CNTNAP5: variants seen among roughly 807,000 people sequenced by gnomAD.
CNTNAP5 encodes the protein contactin-associated protein-like 5.
A neutral mutation model predicts 150.2 loss-of-function variants in CNTNAP5; 72 were observed. That is an observed-to-expected ratio of 0.48 (90% CI 0.40 to 0.58). CNTNAP5 has a LOEUF of 0.58. CNTNAP5 is among the 20% of genes least tolerant of loss of function. The pLI is 0.00. For missense variants in CNTNAP5, 1,636 were observed against 1,626.2 expected, an observed-to-expected ratio of 1.01 and a Z score of -0.10; for synonymous variants, 672 against 619.8, an observed-to-expected ratio of 1.08 and a Z score of -1.25.
At chr2:124,483,145 A>T (rs963496275) in intron 7 of CNTNAP5, among the ~76,000 whole-genome samples, 2 of 151,952 alleles carry the variant, frequency 1.3e-5, no homozygotes, top group Non-Finnish European at 1.5e-5. Flanking sequence ...CTTCAAACTC[A>T]CTGGTAGGGT....
At chr2:124,224,885 T>G (rs770047744) in intron 2 of CNTNAP5, among the ~76,000 whole-genome samples, 36 of 152,162 alleles carry the variant, frequency 2.4e-4, no homozygotes, top group Non-Finnish European at 3.1e-4. Flanking sequence ...AAGACCAAAC[T>G]TATGTCCTGT....
rs866860832 is a variant in CNTNAP5 at position 124,706,792 on chromosome 2, A to G, written c.2078-40437A>G. ...GAAGAAGAAGAAGAAGAAGAAGAAG[A>G]AGAAGGAGGAGGAGGAGGAGGAGGA... is the stretch of plus-strand genomic sequence containing the variant. On this transcript the variant is annotated intron_variant, in intron 13 of 23. Coordinates refer to ENST00000682447, the MANE Select transcript of CNTNAP5 (RefSeq NM_001367498.1). Among the ~76,000 whole-genome samples, 218 of 24,428 alleles carry G rather than the reference A, an allele frequency of 8.9e-3. 3 individuals are homozygous for G. Among genetic ancestry groups the G allele is most frequent in the Non-Finnish European group, 0.014 (166 of 11,812 alleles). The allele number at this position is 24,428 out of a possible 152,430, so 16.0% of individuals were successfully genotyped here.
chr2:124,123,562 T>C (rs531406783), intron 1 of CNTNAP5, among the ~76,000 whole-genome samples: 1 of 152,232 alleles, frequency 6.6e-6, no homozygotes, highest in East Asian at 1.9e-4. Context: ...GTAGTGGTTC[T>C]CCCAACATGG....
intron 3 of CNTNAP5, among the ~76,000 whole-genome samples, chr2:124,370,120 C>G (rs1690486207): frequency 1.3e-5 from 2 of 152,090 alleles, no homozygotes; most frequent in South Asian, 4.1e-4. Context: ...GATGAGAAAA[C>G]AGCATCTCAA....
intron 12 of CNTNAP5, among the ~76,000 whole-genome samples, chr2:124,637,156 G>A (rs187724379): frequency 6.6e-6 from 1 of 152,276 alleles, no homozygotes; most frequent in East Asian, 1.9e-4. Context: ...TTATAGCAGT[G>A]TCTATTTTCA....
At chr2:124,101,037 C>T (rs1006249415) in intron 1 of CNTNAP5, among the ~76,000 whole-genome samples, 1 of 151,976 alleles carries the variant, frequency 6.6e-6, no homozygotes, top group Non-Finnish European at 1.5e-5. Flanking sequence ...TTCTGAACAC[C>T]CATGGTTTAT....
chr2:124,199,282 A>G (rs1336401394), intron 1 of CNTNAP5, among the ~76,000 whole-genome samples: 1 of 152,152 alleles, frequency 6.6e-6, no homozygotes, highest in Non-Finnish European at 1.5e-5. Flanking sequence ...AGGGAACATC[A>G]CAATTGCAAA....
At chr2:124,619,175 C>T (rs2104994398) in intron 12 of CNTNAP5, among the ~76,000 whole-genome samples, 1 of 152,252 alleles carries the variant, frequency 6.6e-6, no homozygotes, top group East Asian at 1.9e-4. Flanking sequence ...TTGTGATCAT[C>T]CTTTGCTGCA....
At chr2:124,653,133 T>C (rs1422009177) in intron 13 of CNTNAP5, among the ~76,000 whole-genome samples, 3 of 152,212 alleles carry the variant, frequency 2.0e-5, no homozygotes, top group Non-Finnish European at 2.9e-5. Flanking sequence ...ACCAGTAACA[T>C]GCTGGTTAAA....
chr2:124,527,253 A>G (rs1558940515), intron 9 of CNTNAP5, 32 bp from the exon 10 acceptor site: 5 of 1,588,360 alleles, frequency 3.1e-6, no homozygotes, highest in Non-Finnish European at 4.3e-6. Flanking sequence ...TCATTTCAGC[A>G]TTCTTCTTCA....
chr2:124,676,823 G>T (rs1215266144), intron 13 of CNTNAP5, among the ~76,000 whole-genome samples: 4 of 152,162 alleles, frequency 2.6e-5, no homozygotes, highest in African/African-American at 9.7e-5. Context: ...TCCTTGGATG[G>T]TTAAAAGCCT....
intron 3 of CNTNAP5, among the ~76,000 whole-genome samples, chr2:124,372,201 T>C (rs192343248): frequency 3.9e-5 from 6 of 152,192 alleles, no homozygotes; most frequent in Non-Finnish European, 8.8e-5. Context: ...CCAGGTTCTT[T>C]GATCTTTGGA....
chr2:124,852,864 A>C (rs1683185479), intron 19 of CNTNAP5, among the ~76,000 whole-genome samples: 1 of 152,192 alleles, frequency 6.6e-6, no homozygotes, highest in Non-Finnish European at 1.5e-5. Context: ...TCTGGTCAAG[A>C]AAATGAAACA....
chr2:124,919,217 G>A lies in CNTNAP5; in HGVS notation c.*4929G>A, dbSNP rs149905217. On this transcript the variant is annotated 3_prime_UTR_variant, in exon 24 of 24. Coordinates refer to ENST00000682447, the MANE Select transcript of CNTNAP5 (RefSeq NM_001367498.1). ...TTCTACATACATATCTGTTTGGTAGGGAGAGAAGCATTCCTCTTTTATGTT... is the reference window on the plus strand; with the variant it reads ...TTCTACATACATATCTGTTTGGTAGAGAGAGAAGCATTCCTCTTTTATGTT... Among the ~76,000 whole-genome samples the A allele has an allele frequency of 2.8e-3, 422 of 152,078 alleles. 2 individuals are homozygous for A. Among genetic ancestry groups the A allele is most frequent in the African/African-American group, 9.6e-3 (400 of 41,508 alleles).
intron 11 of CNTNAP5, among the ~76,000 whole-genome samples, chr2:124,588,652 T>C (rs1216185230): frequency 6.6e-6 from 1 of 152,180 alleles, no homozygotes; most frequent in Non-Finnish European, 1.5e-5. Flanking sequence ...GTAAATCTCA[T>C]AGATTAATGT....
intron 19 of CNTNAP5, among the ~76,000 whole-genome samples, chr2:124,821,897 G>T (rs868549368): frequency 6.6e-6 from 1 of 152,184 alleles, no homozygotes; most frequent in Non-Finnish European, 1.5e-5. Context: ...TGAGAAATGT[G>T]GTTTGGTCCT....
In CNTNAP5 at chr2:124,189,109, AT is replaced by A. The variant is rs201790998; in HGVS notation, c.83-32591del. Among the ~76,000 whole-genome samples the A allele has an allele frequency of 2.7e-3, 417 of 152,292 alleles. 2 individuals are homozygous for A. The highest frequency in any genetic ancestry group is 9.4e-3 in the African/African-American group (392 of 41,558). On this transcript the variant is annotated intron_variant, in intron 1 of 23. Coordinates refer to ENST00000682447, the MANE Select transcript of CNTNAP5 (RefSeq NM_001367498.1). ...GGCCTCTAGATAATTAAGAATTGTTATTTTTAATTTTAGTTATTTTTCAGGA... is the reference window on the plus strand; with the variant it reads ...GGCCTCTAGATAATTAAGAATTGTTATTTTAATTTTAGTTATTTTTCAGGA...
intron 21 of CNTNAP5, among the ~76,000 whole-genome samples, chr2:124,874,839 G>A (rs191156054): frequency 1.3e-5 from 2 of 152,022 alleles, no homozygotes; most frequent in East Asian, 1.9e-4. Flanking sequence ...TTTTTATGCA[G>A]CCAACGTTTG....
intron 1 of CNTNAP5, among the ~76,000 whole-genome samples, chr2:124,089,286 A>C (rs1409701852): frequency 6.9e-6 from 1 of 145,934 alleles, no homozygotes; most frequent in Non-Finnish European, 1.5e-5. Flanking sequence ...TTTTTTTTTT[A>C]AGTACAAAAG....
Sources: gnomAD v4.1 joint callset for allele counts (sites outside exome capture counted in the v4.1 genomes callset) on GRCh38, gnomAD v4.1.1 for gene constraint, MANE v1.5 for transcripts, NCBI Gene and HGNC (gene_info 2026-07-23, HGNC 2026-07-21) for gene names.